Variants in AP1AR observed in about 807,000 individuals in gnomAD.
AP1AR encodes adaptor related protein complex 1 associated regulatory protein, also known as AP-1 complex-associated regulatory protein.
In AP1AR, 29 loss-of-function variants were observed where a neutral mutation model predicts 46.3. The observed-to-expected ratio is 0.63, with a 90% CI of 0.47 to 0.85. The LOEUF (loss-of-function observed/expected upper bound fraction) is 0.85. Ranked by LOEUF, AP1AR falls within the 40% of genes least tolerant of loss-of-function variation. The pLI is 0.00. For missense variants in AP1AR, 357 were observed against 356.3 expected, an observed-to-expected ratio of 1.00 and a Z score of -0.02; for synonymous variants, 122 against 122.9, an observed-to-expected ratio of 0.99 and a Z score of 0.05.
rs1915698 is a variant in AP1AR, at chr4:112,241,091, A to C, written c.83+8917A>C. Among the ~76,000 whole-genome samples, 578 of 152,298 alleles carry C rather than the reference A, an allele frequency of 3.8e-3. 3 individuals carry two copies. The highest frequency in any genetic ancestry group is 0.013 in the African/African-American group (557 of 41,568). ...TCTTAAAAGGCAATAACTGTTTTTTAAACCCTTGCATTATGTCTTTGACAT... is the reference window on the plus strand; with the variant it reads ...TCTTAAAAGGCAATAACTGTTTTTTCAACCCTTGCATTATGTCTTTGACAT... On this transcript the variant is annotated intron_variant, in intron 1 of 9. Transcript: ENST00000274000.
Position 112,268,634 on chromosome 4 carries a change from C to T in AP1AR, c.*225C>T. On this transcript the variant is annotated 3_prime_UTR_variant, in exon 10 of 10. Coordinates refer to ENST00000274000, the MANE Select transcript of AP1AR (RefSeq NM_018569.6). ...TGCTTTTCAAGACCAATTTAATGGTCCTGTCATGTTACTGATTAAATTTAC... is the reference window on the plus strand; with the variant it reads ...TGCTTTTCAAGACCAATTTAATGGTTCTGTCATGTTACTGATTAAATTTAC... 2 of 379,776 alleles carry T rather than the reference C, an allele frequency of 5.3e-6. No individual in the cohort carries two copies. The highest frequency in any genetic ancestry group is 9.3e-6 in the Non-Finnish European group (2 of 214,836). The allele number at this position is 379,776 out of a possible 1,614,324, so 23.5% of individuals were successfully genotyped here. A position where few individuals can be genotyped will look rare whatever the true frequency, so the allele number is the denominator to read the frequency against.
rs1222541679 is a variant in AP1AR, at chr4:112,272,224, G to GTAGA, written c.*3819_*3822dup. Among the ~76,000 whole-genome samples, 2 of 152,274 alleles carry GTAGA rather than the reference G, an allele frequency of 1.3e-5. No individual in the cohort carries two copies. The highest frequency in any genetic ancestry group is 1.9e-4 in the East Asian group (1 of 5,178). On this transcript the variant is annotated 3_prime_UTR_variant, in exon 10 of 10. Coordinates refer to ENST00000274000, the MANE Select transcript of AP1AR (RefSeq NM_018569.6). ...TTATTTAAAAGATACTAGCTTTAGA[G>GTAGA]TAGATAGGCAGATATGAACAGGGCA...
intron 1 of AP1AR, among the ~76,000 whole-genome samples, chr4:112,241,756 G>A (rs144187943): frequency 4.1e-4 from 62 of 152,288 alleles, no homozygotes; most frequent in Middle Eastern, 3.4e-3. Flanking sequence ...CTGGAAAAAT[G>A]TGTTGATTTT....
At chr4:112,234,273 A>G (rs535220682) in intron 1 of AP1AR, among the ~76,000 whole-genome samples, 2 of 152,372 alleles carry the variant, frequency 1.3e-5, no homozygotes, top group East Asian at 1.9e-4. Context: ...GAAATCCAGA[A>G]TTCTCCAATG....
intron 1 of AP1AR, among the ~76,000 whole-genome samples, chr4:112,244,724 A>G (rs1725649844): frequency 6.6e-6 from 1 of 152,072 alleles, no homozygotes; most frequent in Non-Finnish European, 1.5e-5. Flanking sequence ...ACCTCCTTAG[A>G]TTTACTCTTG....
intron 5 of AP1AR, among the ~76,000 whole-genome samples, 159 bp downstream of exon 5, chr4:112,261,021 T>C (rs1560611849): frequency 6.6e-6 from 1 of 152,224 alleles, no homozygotes; most frequent in African/African-American, 2.4e-5. Context: ...TATAATTTCT[T>C]TTAGTTTGGC....
At chr4:112,264,086 C>G (rs76251683) in intron 6 of AP1AR, among the ~76,000 whole-genome samples, 1 of 151,690 alleles carries the variant, frequency 6.6e-6, no homozygotes, top group Non-Finnish European at 1.5e-5. Flanking sequence ...ATTTTTTTCC[C>G]TCTCTCTCTC....
At position 112,268,571 on chromosome 4, in the gene AP1AR, T is replaced by C. The variant is rs1726811735; in HGVS notation, c.*162T>C. Reference sequence around the variant, plus strand: ...AGGAGTAGGGATGATAGGATCTGAATTGATACAGAATTAAGTGCAATTTCA... The same window carrying C: ...AGGAGTAGGGATGATAGGATCTGAACTGATACAGAATTAAGTGCAATTTCA... On this transcript the variant is annotated 3_prime_UTR_variant, in exon 10 of 10. Transcript: ENST00000274000. 1.6e-5 allele frequency: 10 copies of C among 643,646 alleles called. No individual in the cohort carries two copies. The highest frequency in any genetic ancestry group is 9.5e-5 in the East Asian group (3 of 31,440). The allele number at this position is 643,646 out of a possible 1,614,324, so 39.9% of individuals were successfully genotyped here.
At chr4:112,262,545 C>T (rs1726498910) in intron 5 of AP1AR, among the ~76,000 whole-genome samples, 1 of 152,086 alleles carries the variant, frequency 6.6e-6, no homozygotes, top group Non-Finnish European at 1.5e-5. Flanking sequence ...GAGACATGTG[C>T]ATTGATGTTA....
At chr4:112,260,407 C>T (rs1392871635) in intron 4 of AP1AR, among the ~76,000 whole-genome samples, 1 of 152,104 alleles carries the variant, frequency 6.6e-6, no homozygotes, top group Non-Finnish European at 1.5e-5. Context: ...TAATAGTGTA[C>T]TGATGTTTAT....
At chr4:112,233,927 C>T (rs1725133162) in intron 1 of AP1AR, among the ~76,000 whole-genome samples, 3 of 152,162 alleles carry the variant, frequency 2.0e-5, no homozygotes, top group Admixed American at 2.0e-4. Context: ...CGCGCGATCT[C>T]GGCTCACTGC....
At chr4:112,244,130 C>T (rs1446354039) in intron 1 of AP1AR, among the ~76,000 whole-genome samples, 1 of 152,050 alleles carries the variant, frequency 6.6e-6, no homozygotes, top group African/African-American at 2.4e-5. Context: ...ACTAGAACAA[C>T]GTTTTTAAAG....
At chr4:112,232,675 A>G (rs1578396825) in intron 1 of AP1AR, among the ~76,000 whole-genome samples, 1 of 152,324 alleles carries the variant, frequency 6.6e-6, no homozygotes, top group Middle Eastern at 3.4e-3. Flanking sequence ...GGTTCCAGAT[A>G]CTGATGAACT....
intron 5 of AP1AR, among the ~76,000 whole-genome samples, chr4:112,261,803 T>TA (rs979220876): frequency 4.0e-5 from 6 of 149,742 alleles, no homozygotes; most frequent in South Asian, 2.1e-4. Flanking sequence ...AACCCATCTC[T>TA]AAAAAAAAAT....
chr4:112,259,289 C>A (rs545877570), intron 4 of AP1AR, among the ~76,000 whole-genome samples: 16 of 152,134 alleles, frequency 1.1e-4, no homozygotes, highest in Admixed American at 8.5e-4. Flanking sequence ...GAGGTAAGGA[C>A]ATGAAGGCAA....
rs1052589720 is a variant in AP1AR at position 112,265,208 on chromosome 4, C to G, written c.440+141C>G. On this transcript the variant is annotated intron_variant, in intron 7 of 9. Coordinates refer to ENST00000274000, the MANE Select transcript of AP1AR (RefSeq NM_018569.6). ...AATTATTCCTTCTAAAAGACATTGT[C>G]TTGGAAGAAAACTGAGAACATTTAA... 7 of 608,608 alleles carry G rather than the reference C, an allele frequency of 1.2e-5. No homozygotes were observed. In the African/African-American group the frequency reaches 1.3e-4, roughly 12 times the overall value. The allele number at this position is 608,608 out of a possible 1,614,324, so 37.7% of individuals were successfully genotyped here.
intron 3 of AP1AR, among the ~76,000 whole-genome samples, chr4:112,256,872 G>A (rs563211640): frequency 1.3e-5 from 2 of 152,264 alleles, no homozygotes; most frequent in East Asian, 3.9e-4. Flanking sequence ...TTACTGCAGG[G>A]GAAATACAAG....
At chr4:112,247,412 G>A (rs1484068941) in intron 1 of AP1AR, among the ~76,000 whole-genome samples, 2 of 152,152 alleles carry the variant, frequency 1.3e-5, no homozygotes, top group Non-Finnish European at 1.5e-5. Context: ...TTGTAGTTTC[G>A]AATTTGAATA....
chr4:112,266,605 A>G lies in AP1AR; in HGVS notation c.532A>G (p.Thr178Ala), dbSNP rs780241899. ...TATTCTAGGACTCTCATCAGATGCT[A>G]CAGTTTTGACACCAAATACAGAAAG... ...FRSSRLSSDA[T>A]VLTPNTESSC... The change falls in exon 9 of 10, where the codon ACA (threonine) becomes GCA (alanine). Residue 178 changes from threonine to alanine, a missense_variant. Thr to Ala is a moderately conservative substitution (Grantham distance 58). Transcript: ENST00000274000. 1 of 1,610,446 alleles carries G rather than the reference A, an allele frequency of 6.2e-7. No individual in the cohort carries two copies. The highest frequency in any genetic ancestry group is 2.2e-5 in the East Asian group (1 of 44,696).
Sources: gnomAD v4.1 joint callset for allele counts (sites outside exome capture counted in the v4.1 genomes callset) on GRCh38, gnomAD v4.1.1 for gene constraint, MANE v1.5 for transcripts, NCBI Gene and HGNC (gene_info 2026-07-23, HGNC 2026-07-21) for gene names.